The following AKAP13 variants were observed in gnomAD, a reference collection of about 807,000 sequenced individuals.
The protein encoded by AKAP13 is A-kinase anchoring protein 13.
In AKAP13, 80 loss-of-function variants were observed where a neutral mutation model predicts 264.5. The ratio of observed to expected loss-of-function variants is 0.30; its 90% CI spans 0.25 to 0.36. AKAP13 has a LOEUF of 0.36. Ranked by LOEUF, AKAP13 falls within the 10% of genes least tolerant of loss-of-function variation. AKAP13 has a pLI of 1.00. For missense variants in AKAP13, 3,712 were observed against 3,435.2 expected, an observed-to-expected ratio of 1.08 and a Z score of -2.01; for synonymous variants, 1,380 against 1,250.2, an observed-to-expected ratio of 1.10 and a Z score of -2.19.
intron 8 of AKAP13, among the ~76,000 whole-genome samples, chr15:85,629,440 C>A (rs1202427296): frequency 6.6e-6 from 1 of 152,080 alleles, no homozygotes; most frequent in Non-Finnish European, 1.5e-5. Flanking sequence ...CTTTTTTCTT[C>A]AGAATCACTG....
intron 12 of AKAP13, among the ~76,000 whole-genome samples, chr15:85,661,665 G>A (rs2083352031): frequency 6.6e-6 from 1 of 151,848 alleles, no homozygotes; most frequent in Non-Finnish European, 1.5e-5. Context: ...AGGTTGCGGT[G>A]AGCCAGGATC....
intron 16 of AKAP13, among the ~76,000 whole-genome samples, chr15:85,690,920 CTA>C (rs2151632976): frequency 6.6e-6 from 1 of 152,282 alleles, no homozygotes; most frequent in South Asian, 2.1e-4. Flanking sequence ...GAGATAATAC[CTA>C]GTATTATCAT....
intron 8 of AKAP13, among the ~76,000 whole-genome samples, chr15:85,608,689 A>G (rs977850436): frequency 6.6e-5 from 10 of 152,218 alleles, no homozygotes; most frequent in Non-Finnish European, 1.3e-4. Flanking sequence ...TCCAGAAACC[A>G]TGATTGTTCT....
intron 19 of AKAP13, among the ~76,000 whole-genome samples, chr15:85,712,034 A>G (rs2086657896): frequency 6.6e-6 from 1 of 152,076 alleles, no homozygotes. Flanking sequence ...GGGTCTCACT[A>G]CGTTGCCCAG....
At chr15:85,648,516 A>G (rs1053975576) in intron 10 of AKAP13, among the ~76,000 whole-genome samples, 1 of 152,118 alleles carries the variant, frequency 6.6e-6, no homozygotes, top group Non-Finnish European at 1.5e-5. Flanking sequence ...CTAGATTTGG[A>G]AGATTTTTTT....
intron 2 of AKAP13, among the ~76,000 whole-genome samples, chr15:85,512,839 ATG>A (rs1420526412): frequency 6.6e-6 from 1 of 151,286 alleles, no homozygotes; most frequent in Non-Finnish European, 1.5e-5. Flanking sequence ...GTATGTATGT[ATG>A]TATGTATGTA....
intron 19 of AKAP13, among the ~76,000 whole-genome samples, chr15:85,712,114 A>G (rs1383013008): frequency 1.3e-5 from 2 of 152,120 alleles, no homozygotes; most frequent in Non-Finnish European, 2.9e-5. Flanking sequence ...GATAACAGGC[A>G]TGAGCCACCG....
chr15:85,734,869 A>T (rs1267710221), intron 30 of AKAP13, 123 bp from the exon 31 acceptor site: 6 of 1,303,638 alleles, frequency 4.6e-6, no homozygotes, highest in Non-Finnish European at 6.3e-6. Flanking sequence ...GAGCAAAGGA[A>T]CTCACCCAGT....
At chr15:85,536,983 TAATAA>T (rs1421017393) in intron 4 of AKAP13, 2 of 152,192 alleles carry the variant, frequency 1.3e-5, no homozygotes, top group Non-Finnish European at 2.9e-5. Flanking sequence ...ATATTTAAAA[TAATAA>T]AATAACAAAA....
intron 14 of AKAP13, among the ~76,000 whole-genome samples, chr15:85,678,391 T>G (rs982492879): frequency 3.3e-5 from 5 of 152,212 alleles, no homozygotes; most frequent in African/African-American, 4.8e-5. Context: ...TAAGACAGTT[T>G]AGTTAATTTG....
chr15:85,453,518 G>T (rs752485839), intron 1 of AKAP13, among the ~76,000 whole-genome samples: 2 of 152,220 alleles, frequency 1.3e-5, no homozygotes, highest in African/African-American at 2.4e-5. Context: ...TCCCAGGGAG[G>T]AATGACCTGT....
At chr15:85,605,418 A>G (rs2080279021) in intron 8 of AKAP13, among the ~76,000 whole-genome samples, 1 of 152,186 alleles carries the variant, frequency 6.6e-6, no homozygotes, top group Non-Finnish European at 1.5e-5. Context: ...GGGGAGCTGA[A>G]CAATGAGAAC....
intron 17 of AKAP13, among the ~76,000 whole-genome samples, chr15:85,703,111 G>C (rs1463505116): frequency 6.6e-6 from 1 of 152,186 alleles, no homozygotes; most frequent in Non-Finnish European, 1.5e-5. Context: ...TGCAATCTAA[G>C]TAGGAAACAT....
At chr15:85,584,338 A>G (rs974655274) in intron 7 of AKAP13, among the ~76,000 whole-genome samples, 6 of 152,134 alleles carry the variant, frequency 3.9e-5, no homozygotes, top group African/African-American at 1.4e-4. Flanking sequence ...GTGAGTAATC[A>G]CTGTTTTCTA....
intron 17 of AKAP13, among the ~76,000 whole-genome samples, chr15:85,697,042 A>G (rs1377355855): frequency 6.6e-6 from 1 of 152,176 alleles, no homozygotes; most frequent in African/African-American, 2.4e-5. Context: ...AAACTTTCAC[A>G]AGAGGTTACA....
intron 2 of AKAP13, among the ~76,000 whole-genome samples, chr15:85,516,839 C>G (rs150019429): frequency 6.6e-6 from 1 of 152,148 alleles, no homozygotes; most frequent in South Asian, 2.1e-4. Flanking sequence ...TGTGAAGACA[C>G]GCAGCAGGAC....
intron 1 of AKAP13, among the ~76,000 whole-genome samples, chr15:85,420,520 C>A (rs576177160): frequency 6.6e-6 from 1 of 151,980 alleles, no homozygotes; most frequent in Non-Finnish European, 1.5e-5. Flanking sequence ...GTTGACCATA[C>A]CATGAGACAG....
intron 1 of AKAP13, among the ~76,000 whole-genome samples, chr15:85,459,163 T>G (rs991091425): frequency 7.1e-4 from 108 of 152,298 alleles, no homozygotes; most frequent in African/African-American, 2.5e-3. Flanking sequence ...AGAATTTAAC[T>G]TGTATTCCCC....
At chr15:85,471,662 G>C (rs1389057011) in intron 1 of AKAP13, among the ~76,000 whole-genome samples, 1 of 152,194 alleles carries the variant, frequency 6.6e-6, no homozygotes, top group Non-Finnish European at 1.5e-5. Flanking sequence ...CAGGTTTCTT[G>C]TCCTTTTGTA....
Sources: allele counts gnomAD v4.1 joint callset (sites outside exome capture counted in the v4.1 genomes callset), GRCh38; gene constraint gnomAD v4.1.1; transcripts MANE v1.5; gene names NCBI Gene and HGNC (gene_info 2026-07-23, HGNC 2026-07-21).